The following PALM2AKAP2 variants were observed in gnomAD, a reference collection of about 807,000 sequenced individuals.
The protein encoded by PALM2AKAP2 is PALM2 and AKAP2 fusion.
In PALM2AKAP2, 37 loss-of-function variants were observed where a neutral mutation model predicts 71.5. That is an observed-to-expected ratio of 0.52 (90% CI 0.40 to 0.68). The LOEUF (loss-of-function observed/expected upper bound fraction) is 0.68, where lower values mean the gene tolerates loss of function less well. Among genes scored for constraint, PALM2AKAP2 ranks in the 30% least tolerant of loss-of-function variants. The probability of loss-of-function intolerance (pLI) is 0.00; values close to 1 mark genes in which losing one functional copy is unlikely to be tolerated. For synonymous variants in PALM2AKAP2, 468 were observed against 478.8 expected, an observed-to-expected ratio of 0.98 and a Z score of 0.29; for missense variants, 1,224 against 1,191.8, an observed-to-expected ratio of 1.03 and a Z score of -0.40.
chr9:110,135,162 A>ATATATATATATATATATATATAT (rs1374083351), intron 1 of PALM2AKAP2, among the ~76,000 whole-genome samples: 1 of 48,504 alleles, frequency 2.1e-5, no homozygotes, highest in African/African-American at 8.3e-5. Context: ...CAAAAAAAAA[A>ATATATATATATATATATATATAT]AAATATATAA....
chr9:109,887,364 G>A lies in PALM2AKAP2; in HGVS notation c.257+6683G>A, dbSNP rs374741429. ...GCAGGGAGGGGAACACTCCACAGTGGCATTCCACATCTGTGCACTTCCAGC... is the reference window on the plus strand; with the variant it reads ...GCAGGGAGGGGAACACTCCACAGTGACATTCCACATCTGTGCACTTCCAGC... On this transcript the variant is annotated intron_variant, in intron 3 of 9. Transcript: ENST00000302798. 5.9e-5 allele frequency among the ~76,000 whole-genome samples: 9 copies of A among 152,278 alleles called. No homozygotes were observed. The South Asian group carries it at 1.7e-3, about 28-fold the overall frequency.
chr9:110,008,312 G>A lies in PALM2AKAP2; in HGVS notation c.497-7642G>A, dbSNP rs575498937. Among the ~76,000 whole-genome samples, 11 of 152,166 alleles carry A rather than the reference G, an allele frequency of 7.2e-5. No homozygotes were observed. In the East Asian group the frequency reaches 1.3e-3, roughly 19 times the overall value. On this transcript the variant is annotated intron_variant, in intron 6 of 9. Coordinates refer to the PALM2AKAP2 transcript ENST00000302798. Reference sequence around the variant, plus strand: ...TTCTGAGTCCCAACACAACTAAACCGTGCAACTGGGCACAGTGGAAACAGA... The same window carrying A: ...TTCTGAGTCCCAACACAACTAAACCATGCAACTGGGCACAGTGGAAACAGA...
intron 1 of PALM2AKAP2, among the ~76,000 whole-genome samples, chr9:109,681,053 T>C (rs1021649207): frequency 6.6e-6 from 1 of 152,212 alleles, no homozygotes; most frequent in African/African-American, 2.4e-5. Flanking sequence ...TAATTATATT[T>C]CAAACAAATA....
exon 4 of PALM2AKAP2, chr9:109,923,839 A>T (rs367917318): frequency 6.3e-7 from 1 of 1,587,918 alleles, no homozygotes; most frequent in African/African-American, 1.4e-5. Context: ...TCCTTCAAGG[A>T]CTTTCAGAAG....
chr9:109,943,624 C>G (rs1831430339), intron 6 of PALM2AKAP2: 1 of 679,854 alleles, frequency 1.5e-6, no homozygotes, highest in Admixed American at 3.0e-5. Flanking sequence ...TTCATTCTCT[C>G]CAAGAACTTG....
chr9:109,924,764 C>G (rs1830913922), intron 4 of PALM2AKAP2, among the ~76,000 whole-genome samples: 1 of 152,168 alleles, frequency 6.6e-6, no homozygotes, highest in African/African-American at 2.4e-5. Flanking sequence ...GAAAAGCAAT[C>G]TAATGAAATC....
At chr9:109,801,392 G>C (rs901404751) in intron 1 of PALM2AKAP2, among the ~76,000 whole-genome samples, 2 of 150,770 alleles carry the variant, frequency 1.3e-5, no homozygotes, top group African/African-American at 4.8e-5. Flanking sequence ...GAAATATGTT[G>C]CTTAGAAAGG....
chr9:110,006,559 C>T lies in PALM2AKAP2; in HGVS notation c.497-9395C>T, dbSNP rs898041581. Among the ~76,000 whole-genome samples, 12 of 151,888 alleles carry T rather than the reference C, an allele frequency of 7.9e-5. No homozygotes were observed. In the South Asian group the frequency reaches 1.0e-3, roughly 13 times the overall value. The stretch of plus-strand genomic sequence containing the variant: ...TTGTTTGTTTTTAGAGATGGGGTCT[C>T]GCCATGTTGCCCAGGCTGGTCTTGA... On this transcript the variant is annotated intron_variant, in intron 6 of 9. Coordinates refer to the PALM2AKAP2 transcript ENST00000302798.
At chr9:109,718,150 G>C (rs1222299974) in intron 1 of PALM2AKAP2, among the ~76,000 whole-genome samples, 1 of 151,978 alleles carries the variant, frequency 6.6e-6, no homozygotes, top group African/African-American at 2.4e-5. Context: ...GCACGATCTT[G>C]GCTCACTGCA....
chr9:109,698,956 A>G (rs1254545961), intron 1 of PALM2AKAP2, among the ~76,000 whole-genome samples: 3 of 152,234 alleles, frequency 2.0e-5, no homozygotes, highest in East Asian at 1.9e-4. Context: ...TGCTATATGC[A>G]TGTATAATTA....
At chr9:109,709,595 G>A (rs987189073) in intron 1 of PALM2AKAP2, among the ~76,000 whole-genome samples, 2 of 152,152 alleles carry the variant, frequency 1.3e-5, no homozygotes, top group African/African-American at 2.4e-5. Flanking sequence ...ACTTCACCAG[G>A]CTCTACTCCT....
intron 6 of PALM2AKAP2, among the ~76,000 whole-genome samples, chr9:109,941,973 G>A (rs972799304): frequency 1.3e-5 from 2 of 152,200 alleles, no homozygotes; most frequent in East Asian, 3.8e-4. Flanking sequence ...AGGTATTGTG[G>A]GCAGCAGGAC....
chr9:110,134,970 T>C (rs544941966), intron 1 of PALM2AKAP2, among the ~76,000 whole-genome samples: 1 of 151,358 alleles, frequency 6.6e-6, no homozygotes, highest in South Asian at 2.1e-4. Context: ...TGAAAATTAA[T>C]GTTTCTAATG....
chr9:109,745,270 TG>T (rs551028349), intron 1 of PALM2AKAP2, among the ~76,000 whole-genome samples: 33 of 152,088 alleles, frequency 2.2e-4, no homozygotes, highest in Non-Finnish European at 4.0e-4. Flanking sequence ...GAGAATTGCT[TG>T]AACCTAGGAG....
chr9:109,846,498 G>T (rs1828863314), intron 1 of PALM2AKAP2, among the ~76,000 whole-genome samples: 1 of 152,194 alleles, frequency 6.6e-6, no homozygotes, highest in African/African-American at 2.4e-5. Context: ...TGTTAGAACG[G>T]AGAAGGCACC....
chr9:110,063,573 G>A (rs1336458275), intron 1 of PALM2AKAP2, among the ~76,000 whole-genome samples: 1 of 151,824 alleles, frequency 6.6e-6, no homozygotes, highest in East Asian at 1.9e-4. Context: ...CCAAGTAGCT[G>A]GGATTACAGG....
In PALM2AKAP2 at chr9:109,880,545, C is replaced by T. The variant is rs771895754; in HGVS notation, c.127-6C>T. 26 of 1,612,208 alleles carry T rather than the reference C, an allele frequency of 1.6e-5. No homozygotes were observed. Among genetic ancestry groups the T allele is most frequent in the South Asian group, 2.2e-5 (2 of 90,988 alleles). On this transcript the variant is annotated splice_polypyrimidine_tract_variant and splice_region_variant and intron_variant, in intron 2 of 9. Transcript: ENST00000302798. ...TCTTGTCTGTTGTCTTCCCTCACTTCCACAGTCCAAAGTGCTTCGGGAGAA... is the reference window on the plus strand; with the variant it reads ...TCTTGTCTGTTGTCTTCCCTCACTTTCACAGTCCAAAGTGCTTCGGGAGAA...
At chr9:109,716,933 G>A in intron 1 of PALM2AKAP2, among the ~76,000 whole-genome samples, 1 of 152,134 alleles carries the variant, frequency 6.6e-6, no homozygotes, top group Admixed American at 6.5e-5. Flanking sequence ...GGGCTGGCTT[G>A]CCAGAAGGAC....
chr9:109,669,726 T>C (rs974763979), intron 1 of PALM2AKAP2, among the ~76,000 whole-genome samples: 1 of 131,374 alleles, frequency 7.6e-6, no homozygotes, highest in Non-Finnish European at 1.7e-5. Context: ...TTAAAATTTA[T>C]TGACATAAAG....
Sources: gnomAD v4.1 joint callset for allele counts (sites outside exome capture counted in the v4.1 genomes callset) on GRCh38, gnomAD v4.1.1 for gene constraint, MANE v1.5 for transcripts, NCBI Gene and HGNC (gene_info 2026-07-23, HGNC 2026-07-21) for gene names.